Variants in FRMD4A observed in about 807,000 individuals in gnomAD.
The protein encoded by FRMD4A is FERM domain containing 4A, also known as FERM domain-containing protein 4A.
A neutral mutation model predicts 129.1 loss-of-function variants in FRMD4A; 29 were observed. The observed-to-expected ratio is 0.22, with a 90% CI of 0.17 to 0.31. The LOEUF is 0.31. FRMD4A is among the 10% of genes least tolerant of loss of function. The probability of loss-of-function intolerance (pLI) is 1.00; values close to 1 mark genes in which losing one functional copy is unlikely to be tolerated. For missense variants in FRMD4A, 1,272 were observed against 1,375.8 expected (o/e 0.92, Z 1.19); for synonymous variants, 634 against 571.6 (o/e 1.11, Z -1.56).
At chr10:14,069,847 GC>G (rs1274539507) in intron 2 of FRMD4A, among the ~76,000 whole-genome samples, 1 of 152,136 alleles carries the variant, frequency 6.6e-6, no homozygotes, top group Non-Finnish European at 1.5e-5. Flanking sequence ...GGGAATTACA[GC>G]TTTTATAGAG....
chr10:13,704,400 C>T (rs544593045), intron 13 of FRMD4A, among the ~76,000 whole-genome samples: 1 of 152,300 alleles, frequency 6.6e-6, no homozygotes, highest in South Asian at 2.1e-4. Flanking sequence ...TCTGCTTCTT[C>T]CTCTGGGCTC....
At chr10:13,843,495 C>T (rs2093999602) in intron 3 of FRMD4A, among the ~76,000 whole-genome samples, 1 of 152,000 alleles carries the variant, frequency 6.6e-6, no homozygotes, top group South Asian at 2.1e-4. Flanking sequence ...GGAAGAAAGT[C>T]TCTTTTCTGC....
intron 2 of FRMD4A, among the ~76,000 whole-genome samples, chr10:14,274,235 G>C (rs961520498): frequency 6.6e-6 from 1 of 152,164 alleles, no homozygotes; most frequent in Non-Finnish European, 1.5e-5. Context: ...CATGTAAGTC[G>C]ATCCCTAGAG....
At chr10:13,999,923 G>C (rs2095635845) in intron 2 of FRMD4A, among the ~76,000 whole-genome samples, 1 of 152,192 alleles carries the variant, frequency 6.6e-6, no homozygotes, top group Admixed American at 6.5e-5. Context: ...TTAAAGGCTT[G>C]AGTTTATAAC....
intron 2 of FRMD4A, among the ~76,000 whole-genome samples, chr10:14,076,360 G>A (rs1020905793): frequency 1.1e-4 from 16 of 152,154 alleles, no homozygotes; most frequent in African/African-American, 3.9e-4. Flanking sequence ...GTGGATCATG[G>A]CCAGGTGTAG....
intron 3 of FRMD4A, among the ~76,000 whole-genome samples, chr10:13,852,743 C>A (rs955008638): frequency 6.6e-6 from 1 of 152,150 alleles, no homozygotes; most frequent in Non-Finnish European, 1.5e-5. Context: ...TGCTTGCACA[C>A]AGCTGGCGTG....
At chr10:13,734,286 C>A (rs893600111) in intron 12 of FRMD4A, among the ~76,000 whole-genome samples, 1 of 152,154 alleles carries the variant, frequency 6.6e-6, no homozygotes, top group Non-Finnish European at 1.5e-5. Context: ...CAGTCTTGTC[C>A]TGGGTTTTTC....
intron 2 of FRMD4A, among the ~76,000 whole-genome samples, chr10:13,927,660 T>G (rs951269272): frequency 3.9e-5 from 6 of 152,222 alleles, no homozygotes; most frequent in Non-Finnish European, 8.8e-5. Flanking sequence ...CCACAAGTGA[T>G]GCTAGCATGA....
chr10:14,303,595 C>A (rs9633785), intron 2 of FRMD4A, among the ~76,000 whole-genome samples: 34,772 of 152,096 alleles, frequency 0.23, 4,755 homozygotes, highest in Middle Eastern at 0.31. Context: ...CATTTATGGG[C>A]AGTCAGTGAA....
intron 2 of FRMD4A, among the ~76,000 whole-genome samples, chr10:14,259,583 G>T (rs1844729640): frequency 6.6e-6 from 1 of 151,930 alleles, no homozygotes; most frequent in African/African-American, 2.4e-5. Context: ...GAAATCTGGG[G>T]CTATTTTAAC....
At chr10:14,108,170 C>T (rs551996803) in intron 2 of FRMD4A, among the ~76,000 whole-genome samples, 9 of 152,268 alleles carry the variant, frequency 5.9e-5, no homozygotes, top group African/African-American at 2.2e-4. Flanking sequence ...TTTCATGTCG[C>T]TTTAATTGGC....
chr10:13,862,227 G>A (rs1046589955), intron 2 of FRMD4A, among the ~76,000 whole-genome samples: 1 of 152,150 alleles, frequency 6.6e-6, no homozygotes, highest in African/African-American at 2.4e-5. Context: ...AAAAGGTTAA[G>A]GGTATAAACA....
intron 3 of FRMD4A, among the ~76,000 whole-genome samples, chr10:13,826,291 G>A (rs766129190): frequency 2.0e-4 from 30 of 152,068 alleles, no homozygotes; most frequent in Non-Finnish European, 2.2e-4. Context: ...CCTTCATCTC[G>A]GGAACCATGA....
intron 2 of FRMD4A, among the ~76,000 whole-genome samples, chr10:14,135,066 A>G (rs1019721764): frequency 2.6e-5 from 4 of 152,222 alleles, no homozygotes; most frequent in African/African-American, 9.6e-5. Context: ...TGTTTCATGA[A>G]GAAATATTTT....
intron 2 of FRMD4A, among the ~76,000 whole-genome samples, chr10:13,974,051 A>G (rs1193665586): frequency 1.4e-5 from 2 of 140,858 alleles, no homozygotes; most frequent in African/African-American, 5.5e-5. Context: ...TTTCTGGGAC[A>G]GAGTCTTGCT....
intron 15 of FRMD4A, chr10:13,685,591 G>A: frequency 2.0e-6 from 2 of 984,388 alleles, no homozygotes; most frequent in Non-Finnish European, 2.4e-6. Context: ...CCCAGCAAAG[G>A]AGCACTGCAA....
In FRMD4A at chr10:13,870,220, G is replaced by A. The variant is rs1028744656; in HGVS notation, c.46-11308C>T. ...GCCCCAGAGGCCAGTCCTGCTGTGGGTGCAGAGTGAGATTCTTCCTTCTTT... is the reference window on the plus strand; with the variant it reads ...GCCCCAGAGGCCAGTCCTGCTGTGGATGCAGAGTGAGATTCTTCCTTCTTT... On this transcript the variant is annotated intron_variant, in intron 2 of 24. Transcript: ENST00000357447. 2.0e-5 allele frequency among the ~76,000 whole-genome samples: 3 copies of A among 152,244 alleles called. No homozygotes were observed. The East Asian group carries it at 5.8e-4, about 29-fold the overall frequency.
chr10:14,268,148 A>G (rs1845043395), intron 2 of FRMD4A, among the ~76,000 whole-genome samples: 1 of 152,208 alleles, frequency 6.6e-6, no homozygotes, highest in African/African-American at 2.4e-5. Flanking sequence ...AAAAATGAGA[A>G]ATAATTACTG....
At position 14,032,623 on chromosome 10, in the gene FRMD4A, G is replaced by A. The variant is rs935513951; in HGVS notation, c.46-173711C>T. On this transcript the variant is annotated intron_variant, in intron 2 of 24. Transcript: ENST00000357447. ...CCACTTCCAGTGAAGGCCACCAGGG[G>A]GCGCCAGCAAGGGGGAGCTGCTGGC... 2.6e-5 allele frequency among the ~76,000 whole-genome samples: 4 copies of A among 152,298 alleles called. No homozygotes were observed. In the East Asian group the frequency reaches 5.8e-4, roughly 22 times the overall value.
Sources: gnomAD v4.1 joint callset for allele counts (sites outside exome capture counted in the v4.1 genomes callset) on GRCh38, gnomAD v4.1.1 for gene constraint, MANE v1.5 for transcripts, NCBI Gene and HGNC (gene_info 2026-07-23, HGNC 2026-07-21) for gene names.